Variants in UBXN2A observed in about 807,000 individuals in gnomAD.
UBXN2A encodes the protein UBX domain-containing protein 2A.
UBXN2A carries 28 observed loss-of-function variants against 28.4 expected under a neutral mutation model. The ratio of observed to expected loss-of-function variants is 0.99; its 90% confidence interval spans 0.73 to 1.35. The LOEUF (loss-of-function observed/expected upper bound fraction) is 1.35. UBXN2A is among the 40% of genes most tolerant of loss of function. The probability of loss-of-function intolerance (pLI) is 0.00; values close to 1 mark genes in which losing one functional copy is unlikely to be tolerated. For missense variants in UBXN2A, 253 were observed against 297.9 expected (o/e 0.85, Z 1.11); for synonymous variants, 97 against 103.6 (o/e 0.94, Z 0.39).
chr2:23,977,037 T>C lies in UBXN2A; in HGVS notation c.249T>C (p.Asp83=), dbSNP rs1707696043. 1 of 1,612,956 alleles carries C rather than the reference T, an allele frequency of 6.2e-7. No homozygotes were observed. Among genetic ancestry groups the C allele is most frequent in the South Asian group, 1.1e-5 (1 of 91,012 alleles). Residue 83 remains aspartate, a synonymous_variant, in exon 4 of 7, where the codon GAT becomes GAC. Transcript: ENST00000309033. The part of the protein sequence containing the change: ...TVNDDFRSYS[D]GASQQFLNSI... ...ACGACGATTTCAGAAGTTATTCCGA[T>C]GGTGCCAGTCAGCAGTTTTTGAACT...
chr2:23,928,002 C>A (rs564172366), intron 1 of UBXN2A, among the ~76,000 whole-genome samples: 1 of 151,750 alleles, frequency 6.6e-6, no homozygotes, highest in East Asian at 1.9e-4. Context: ...ATGGTGAAAC[C>A]CTGTCTCCAC....
rs1249763527 is a variant in UBXN2A, at chr2:24,002,255, A to G, written c.*2388A>G. Reference sequence around the variant, plus strand: ...CCATGTCTGTACTAAAAATACAAAAATTAGCCTGGTGTGGTGGCACATGCC... The same window carrying G: ...CCATGTCTGTACTAAAAATACAAAAGTTAGCCTGGTGTGGTGGCACATGCC... On this transcript the variant is annotated 3_prime_UTR_variant, in exon 7 of 7. Coordinates refer to ENST00000309033, the MANE Select transcript of UBXN2A (RefSeq NM_181713.4). The G allele has an allele frequency of 6.6e-6, 1 of 151,650 alleles. No individual in the cohort carries two copies. The highest frequency in any genetic ancestry group is 1.5e-5 in the Non-Finnish European group (1 of 67,966). The allele number at this position is 151,650 out of a possible 1,614,324, so 9.4% of individuals were successfully genotyped here. A position where few individuals can be genotyped will look rare whatever the true frequency, so the allele number is the denominator to read the frequency against.
chr2:23,943,829 C>T (rs1558836259), intron 1 of UBXN2A: 2 of 341,670 alleles, frequency 5.9e-6, no homozygotes, highest in Non-Finnish European at 1.2e-5. Context: ...GCATTTCCGT[C>T]CAGACCAGAA....
intron 1 of UBXN2A, among the ~76,000 whole-genome samples, chr2:23,956,084 G>A (rs1706607957): frequency 6.6e-6 from 1 of 151,542 alleles, no homozygotes; most frequent in African/African-American, 2.4e-5. Context: ...GGCTGGTCTC[G>A]AACTCCTGGC....
intron 3 of UBXN2A, 83 bp downstream of exon 3, chr2:23,971,497 T>C: frequency 7.2e-7 from 1 of 1,388,188 alleles, no homozygotes; most frequent in Admixed American, 2.4e-5. Flanking sequence ...AGGTCAAAAT[T>C]GTTTTGTTTG....
intron 1 of UBXN2A, among the ~76,000 whole-genome samples, chr2:23,955,701 A>T (rs1706588428): frequency 6.6e-6 from 1 of 152,192 alleles, no homozygotes; most frequent in Non-Finnish European, 1.5e-5. Flanking sequence ...GGCAGTTATG[A>T]TATAATGGTA....
upstream of UBXN2A, among the ~76,000 whole-genome samples, chr2:23,938,324 G>T (rs918861102): frequency 6.6e-6 from 1 of 151,964 alleles, no homozygotes; most frequent in African/African-American, 2.4e-5. Flanking sequence ...AAATTAGCTG[G>T]GCATGGTGGT....
intron 2 of UBXN2A, among the ~76,000 whole-genome samples, chr2:23,968,231 A>G (rs529470470): frequency 2.5e-4 from 38 of 152,324 alleles, no homozygotes; most frequent in African/African-American, 8.9e-4. Context: ...TTCTTCATCT[A>G]TTAAATGGGG....
In UBXN2A at chr2:24,002,570, T is replaced by G. The variant is rs1466674698; in HGVS notation, c.*2703T>G. 1 of 152,052 alleles carries G rather than the reference T, an allele frequency of 6.6e-6. No homozygotes were observed. Among genetic ancestry groups the G allele is most frequent in the Non-Finnish European group, 1.5e-5 (1 of 68,018 alleles). The allele number at this position is 152,052 out of a possible 1,614,324, so 9.4% of individuals were successfully genotyped here. A position where few individuals can be genotyped will look rare whatever the true frequency, so the allele number is the denominator to read the frequency against. Reference sequence around the variant, plus strand: ...GATTATAGGCGCCCACTACCACGCCTGGCTAATTTTTGTATTTTTAGTAGA... The same window carrying G: ...GATTATAGGCGCCCACTACCACGCCGGGCTAATTTTTGTATTTTTAGTAGA... On this transcript the variant is annotated 3_prime_UTR_variant, in exon 7 of 7. Coordinates refer to ENST00000309033, the MANE Select transcript of UBXN2A (RefSeq NM_181713.4).
intron 1 of UBXN2A, among the ~76,000 whole-genome samples, chr2:23,955,561 T>A (rs1010201087): frequency 7.2e-5 from 11 of 152,238 alleles, no homozygotes; most frequent in Admixed American, 5.9e-4. Context: ...GTTTTGTCAT[T>A]GTGTGAATAT....
intron 3 of UBXN2A, among the ~76,000 whole-genome samples, chr2:23,974,838 G>A (rs1431384008): frequency 6.6e-6 from 1 of 152,080 alleles, no homozygotes; most frequent in Admixed American, 6.6e-5. Flanking sequence ...AATTAGCTGA[G>A]CTTGGTGATG....
chr2:23,982,491 G>T (rs142984982), intron 4 of UBXN2A, among the ~76,000 whole-genome samples: 1,634 of 151,672 alleles, frequency 0.011, 18 homozygotes, highest in Middle Eastern at 0.038. Context: ...ACTATTTTAG[G>T]TACTGCTATA....
intron 5 of UBXN2A, among the ~76,000 whole-genome samples, chr2:23,983,835 C>T (rs1327544517): frequency 1.3e-5 from 2 of 152,044 alleles, no homozygotes; most frequent in Non-Finnish European, 2.9e-5. Context: ...ACCACCACGC[C>T]CAGCCAATTT....
chr2:23,967,573 A>C (rs1707229320), intron 2 of UBXN2A, among the ~76,000 whole-genome samples: 1 of 152,240 alleles, frequency 6.6e-6, no homozygotes, highest in South Asian at 2.1e-4. Flanking sequence ...TTCACAGATA[A>C]GCAAAGCAAA....
At chr2:23,951,626 A>G (rs1007568893) in intron 1 of UBXN2A, among the ~76,000 whole-genome samples, 5 of 151,556 alleles carry the variant, frequency 3.3e-5, no homozygotes, top group African/African-American at 1.2e-4. Context: ...ATGCCCAGCT[A>G]ATTTTTGTGT....
chr2:23,992,689 A>G (rs1348258867), intron 6 of UBXN2A, among the ~76,000 whole-genome samples: 1 of 152,044 alleles, frequency 6.6e-6, no homozygotes, highest in Admixed American at 6.6e-5. Context: ...AACCCTGTCA[A>G]CCTTTTTAGC....
At chr2:23,988,365 G>A (rs568459905) in intron 6 of UBXN2A, among the ~76,000 whole-genome samples, 1 of 152,220 alleles carries the variant, frequency 6.6e-6, no homozygotes, top group Admixed American at 6.5e-5. Context: ...ATAGCAAAAG[G>A]CCATTCAGAA....
intron 1 of UBXN2A, among the ~76,000 whole-genome samples, chr2:23,932,074 C>T (rs541836812): frequency 4.6e-5 from 7 of 151,356 alleles, no homozygotes; most frequent in African/African-American, 1.7e-4. Context: ...AATCCCAGAA[C>T]TTTGGGAGGC....
chr2:24,003,594 G>C lies in UBXN2A; in HGVS notation c.*3727G>C, dbSNP rs1324674048. The stretch of plus-strand genomic sequence containing the variant: ...TTAGGAAGAGAGGGAGGACAAAGGA[G>C]AGCCTTTTCTTTTGTCCATTACTCT... On this transcript the variant is annotated 3_prime_UTR_variant, in exon 7 of 7. Coordinates refer to ENST00000309033, the MANE Select transcript of UBXN2A (RefSeq NM_181713.4). 1 of 152,072 alleles carries C rather than the reference G, an allele frequency of 6.6e-6. No homozygotes were observed. The highest frequency in any genetic ancestry group is 1.5e-5 in the Non-Finnish European group (1 of 68,022). 9.4% of individuals were successfully genotyped at this position (152,072 alleles called of 1,614,324 possible). A position where few individuals can be genotyped will look rare whatever the true frequency, so the allele number is the denominator to read the frequency against.
Sources: gnomAD v4.1 joint callset for allele counts (sites outside exome capture counted in the v4.1 genomes callset) on GRCh38, gnomAD v4.1.1 for gene constraint, MANE v1.5 for transcripts, NCBI Gene and HGNC (gene_info 2026-07-23, HGNC 2026-07-21) for gene names.